The following THOC5 variants were observed in gnomAD, a reference collection of about 807,000 sequenced individuals.
THOC5 encodes THO complex subunit 5.
In THOC5, 43 loss-of-function variants were observed where a neutral mutation model predicts 92.9. The ratio of observed to expected loss-of-function variants is 0.46; its 90% CI spans 0.36 to 0.60. THOC5 has a LOEUF of 0.60. THOC5 is among the 20% of genes least tolerant of loss of function. The pLI, the probability that THOC5 is intolerant of heterozygous loss-of-function variation, is 0.00. For synonymous variants in THOC5, 296 were observed against 320.1 expected, an observed-to-expected ratio of 0.92 and a Z score of 0.80; for missense variants, 659 against 849.4, an observed-to-expected ratio of 0.78 and a Z score of 2.79.
chr22:29,527,401 G>A (rs1487398195), intron 11 of THOC5, among the ~76,000 whole-genome samples: 1 of 152,120 alleles, frequency 6.6e-6, no homozygotes, highest in Non-Finnish European at 1.5e-5. Flanking sequence ...CCTGGATGAC[G>A]AGAGTGAGAC....
rs191439550 is a variant in THOC5 at position 29,544,372 on chromosome 22, C to G, written c.240+88G>C. 4 of 1,409,824 alleles carry G rather than the reference C, an allele frequency of 2.8e-6. No individual in the cohort carries two copies. In the African/African-American group the frequency reaches 5.8e-5, roughly 20 times the overall value. The allele number at this position is 1,409,824 out of a possible 1,614,324, so 87.3% of individuals were successfully genotyped here. A position where few individuals can be genotyped will look rare whatever the true frequency, so the allele number is the denominator to read the frequency against. On this transcript the variant is annotated intron_variant, in intron 3 of 19. Coordinates refer to ENST00000490103, the MANE Select transcript of THOC5 (RefSeq NM_003678.5). Reference sequence around the variant, plus strand: ...CCTGATCATGGCTAGGACAGAAGATCAAGATCAGGAAGGGCCCTGGTAGGT... The same window carrying G: ...CCTGATCATGGCTAGGACAGAAGATGAAGATCAGGAAGGGCCCTGGTAGGT...
rs1300199969 is a variant in THOC5 at position 29,507,750 on chromosome 22, T to A, written c.*707A>T. ...TAAGATACAAAATATATACTGAAAA[T>A]ATGTACTGACTATGTTAGCAGTAAG... On this transcript the variant is annotated 3_prime_UTR_variant, in exon 20 of 20. Transcript: ENST00000490103. 1 of 152,310 alleles carries A rather than the reference T, an allele frequency of 6.6e-6. No individual in the cohort carries two copies. The highest frequency in any genetic ancestry group is 1.5e-5 in the Non-Finnish European group (1 of 68,130). The allele number at this position is 152,310 out of a possible 1,614,324, so 9.4% of individuals were successfully genotyped here.
intron 1 of THOC5, among the ~76,000 whole-genome samples, chr22:29,549,791 A>C (rs1258664644): frequency 6.6e-6 from 1 of 151,930 alleles, no homozygotes; most frequent in Non-Finnish European, 1.5e-5. Context: ...TCCTAGCTGC[A>C]ACTGCACCCT....
intron 9 of THOC5, among the ~76,000 whole-genome samples, chr22:29,528,684 AG>A (rs1166366804): frequency 7.2e-5 from 11 of 152,164 alleles, no homozygotes. Context: ...TTTTTTTCAA[AG>A]GGCTTTTTGA....
chr22:29,544,723 G>T, intron 2 of THOC5, 120 bp from the exon 3 acceptor site: 1 of 1,012,148 alleles, frequency 9.9e-7, no homozygotes, highest in Non-Finnish European at 1.4e-6. Flanking sequence ...CCTCAGTCAG[G>T]TCTCTAAAAG....
intron 11 of THOC5, among the ~76,000 whole-genome samples, chr22:29,527,025 G>A (rs111891943): frequency 1.4e-5 from 2 of 144,236 alleles, no homozygotes; most frequent in East Asian, 2.1e-4. Context: ...GGTGTGGATC[G>A]CTGTTAATCA....
chr22:29,528,270 G>C, intron 10 of THOC5, 93 bp from the exon 11 acceptor site: 1 of 1,613,874 alleles, frequency 6.2e-7, no homozygotes, highest in East Asian at 2.2e-5. Context: ...CTACTGCCTG[G>C]CACCTGCTGC....
At chr22:29,509,624 G>C (rs1259507998) in intron 19 of THOC5, among the ~76,000 whole-genome samples, 1 of 150,764 alleles carries the variant, frequency 6.6e-6, no homozygotes, top group Non-Finnish European at 1.5e-5. Context: ...CAAGGTGAGG[G>C]AGAGGTAAGG....
intron 7 of THOC5, 68 bp from the exon 8 acceptor site, chr22:29,532,031 T>C (rs1173953257): frequency 1.3e-6 from 2 of 1,560,308 alleles, no homozygotes; most frequent in Non-Finnish European, 1.7e-6. Context: ...AGTGGCTACT[T>C]AGTGACCGTA....
intron 5 of THOC5, among the ~76,000 whole-genome samples, chr22:29,540,753 C>G (rs2063864167): frequency 6.6e-6 from 1 of 152,206 alleles, no homozygotes; most frequent in Non-Finnish European, 1.5e-5. Context: ...ATGTACCCTT[C>G]ACCCAATGAT....
chr22:29,549,276 C>A (rs929121839), intron 1 of THOC5, 118 bp from the exon 2 acceptor site: 6 of 794,886 alleles, frequency 7.5e-6, no homozygotes, highest in African/African-American at 3.4e-5. Context: ...CCCCTCAAAG[C>A]CTCAATTTAA....
At chr22:29,543,004 G>T in intron 4 of THOC5, 48 bp from the exon 5 acceptor site, 1 of 1,401,084 alleles carries the variant, frequency 7.1e-7, no homozygotes, top group Non-Finnish European at 1.0e-6. Flanking sequence ...TCAGGATGGA[G>T]CAGAGGAGAG....
intron 8 of THOC5, chr22:29,531,033 T>G: frequency 9.4e-7 from 1 of 1,060,022 alleles, no homozygotes; most frequent in Non-Finnish European, 1.2e-6. Flanking sequence ...AACATCAGAA[T>G]GGAACAGGCC....
At position 29,539,335 on chromosome 22, in the gene THOC5, C is replaced by T. The variant is rs756434321; in HGVS notation, c.594G>A (p.Arg198=). The T allele has an allele frequency of 6.2e-7, 1 of 1,613,454 alleles. No individual in the cohort carries two copies. Residue 198 remains arginine (R), a synonymous_variant, in exon 6 of 20, where the codon CGG becomes CGA. Transcript: ENST00000490103. Reference sequence around the variant, plus strand: ...CAGGAAGGAGGAAATGCTACCTTTTCCGCTGCTCCAGCTCCCAGTCCAGAC... The same window carrying T: ...CAGGAAGGAGGAAATGCTACCTTTTTCGCTGCTCCAGCTCCCAGTCCAGAC... ...LARLDWELEQ[R]KRLAEKYREC... is the part of the protein sequence containing the mutation.
chr22:29,513,042 ACAGT>A (rs2063255450), intron 17 of THOC5, among the ~76,000 whole-genome samples: 1 of 152,140 alleles, frequency 6.6e-6, no homozygotes, highest in Admixed American at 6.6e-5. Context: ...TTCTTCCCTA[ACAGT>A]CAGAACATTA....
At chr22:29,547,249 TGTTTTC>T (rs2064042111) in intron 2 of THOC5, among the ~76,000 whole-genome samples, 1 of 152,206 alleles carries the variant, frequency 6.6e-6, no homozygotes, top group Non-Finnish European at 1.5e-5. Context: ...CAGGGGCAAA[TGTTTTC>T]AGTCTCTTTG....
Position 29,529,221 on chromosome 22 carries a change from G to C in THOC5, c.866C>G (p.Ala289Gly), listed in dbSNP as rs1477715602. Residue 289 changes from alanine to glycine, a missense_variant, in exon 9 of 20, where the codon GCA (alanine) becomes GGA (glycine). Ala to Gly is a moderately conservative substitution (Grantham distance 60). Transcript: ENST00000490103. ...GQACDKTLSV[A>G]IEGSVDEAKA... The stretch of plus-strand genomic sequence containing the variant: ...GGCTTCATCCACACTGCCTTCGATT[G>C]CCACAGATAACGTCTTATCTGGGGG... 1.9e-6 allele frequency: 3 copies of C among 1,614,186 alleles called. No homozygotes were observed. Among genetic ancestry groups the C allele is most frequent in the Admixed American group, 1.7e-5 (1 of 60,012 alleles).
intron 7 of THOC5, chr22:29,534,425 T>A (rs1354380826): frequency 6.6e-6 from 1 of 152,210 alleles, no homozygotes; most frequent in Non-Finnish European, 1.5e-5. Flanking sequence ...CTTTTCTGTA[T>A]AAAAAACTCT....
chr22:29,527,982 G>T, intron 11 of THOC5, 96 bp downstream of exon 11: 1 of 1,115,532 alleles, frequency 9.0e-7, no homozygotes, highest in African/African-American at 1.6e-5. Context: ...TCCTTTGTTG[G>T]GCAAATGGGT....
Sources: allele counts gnomAD v4.1 joint callset (sites outside exome capture counted in the v4.1 genomes callset), GRCh38; gene constraint gnomAD v4.1.1; transcripts MANE v1.5; gene names NCBI Gene and HGNC (gene_info 2026-07-23, HGNC 2026-07-21).